C7orf33: variants seen among roughly 807,000 people sequenced by gnomAD.
C7orf33 encodes the protein uncharacterized protein C7orf33.
In C7orf33, 15 loss-of-function variants were observed where a neutral mutation model predicts 13.4. The observed-to-expected ratio is 1.12, with a 90% confidence interval of 0.75 to 1.72. The LOEUF (loss-of-function observed/expected upper bound fraction) is 1.72. Ranked by LOEUF, C7orf33 falls within the 40% of genes most tolerant of loss-of-function variation. The pLI is 0.00. For missense variants in C7orf33, 187 were observed against 220.3 expected (o/e 0.85, Z 0.96); for synonymous variants, 73 against 83.2 (o/e 0.88, Z 0.67).
chr7:148,596,528 G>T (rs113744619), intron 1 of C7orf33, among the ~76,000 whole-genome samples: 4,715 of 152,180 alleles, frequency 0.031, 120 homozygotes, highest in Admixed American at 0.086. Context: ...AGCAAATCAC[G>T]TCTTACATGG....
intron 1 of C7orf33, among the ~76,000 whole-genome samples, chr7:148,609,607 G>A (rs1389731858): frequency 6.6e-6 from 1 of 152,114 alleles, no homozygotes; most frequent in African/African-American, 2.4e-5. Flanking sequence ...ATAACAACTG[G>A]ACTTTCTCTC....
At chr7:148,598,843 A>G (rs1796381516) in intron 1 of C7orf33, among the ~76,000 whole-genome samples, 1 of 141,738 alleles carries the variant, frequency 7.1e-6, no homozygotes, top group Non-Finnish European at 1.5e-5. Flanking sequence ...GAATGAAATT[A>G]TTTATCTTTT....
intron 1 of C7orf33, among the ~76,000 whole-genome samples, chr7:148,598,775 GA>G (rs1796379832): frequency 1.3e-5 from 1 of 77,118 alleles, no homozygotes; most frequent in East Asian, 3.2e-4. Context: ...GAGAGAGAGA[GA>G]GAGAGAGAGA....
chr7:148,595,743 T>G (rs1403808980), intron 1 of C7orf33, among the ~76,000 whole-genome samples: 1 of 141,958 alleles, frequency 7.0e-6, no homozygotes, highest in East Asian at 2.0e-4. Flanking sequence ...CTATGTTATA[T>G]AGATATAATA....
At chr7:148,601,425 A>G (rs897243567) in intron 1 of C7orf33, among the ~76,000 whole-genome samples, 1 of 152,034 alleles carries the variant, frequency 6.6e-6, no homozygotes, top group Admixed American at 6.5e-5. Flanking sequence ...GGCTCACCGC[A>G]GCCTCCACCT....
chr7:148,605,633 C>G (rs1796464165), intron 1 of C7orf33, among the ~76,000 whole-genome samples: 1 of 152,168 alleles, frequency 6.6e-6, no homozygotes. Context: ...CCTCATACGG[C>G]CCATCTCATA....
chr7:148,598,759 TATATAG>T (rs1796378074), intron 1 of C7orf33, among the ~76,000 whole-genome samples: 22 of 32,944 alleles, frequency 6.7e-4, no homozygotes, highest in East Asian at 5.2e-3. Flanking sequence ...TATATATATA[TATATAG>T]AGAGAGAGAG....
intron 1 of C7orf33, among the ~76,000 whole-genome samples, chr7:148,593,516 C>T (rs1317758386): frequency 6.6e-6 from 1 of 152,062 alleles, no homozygotes; most frequent in African/African-American, 2.4e-5. Flanking sequence ...CTGCTTGCCT[C>T]AGCCTCCCAA....
At chr7:148,597,880 C>A in intron 1 of C7orf33, among the ~76,000 whole-genome samples, 1 of 152,076 alleles carries the variant, frequency 6.6e-6, no homozygotes, top group Non-Finnish European at 1.5e-5. Flanking sequence ...CTTAGCCTCC[C>A]GAGTAGCTGG....
chr7:148,608,715 C>G (rs1563123810), intron 1 of C7orf33, among the ~76,000 whole-genome samples: 2 of 151,196 alleles, frequency 1.3e-5, no homozygotes, highest in Non-Finnish European at 2.9e-5. Flanking sequence ...CTCGGGGAGG[C>G]TGAGGGCAGG....
At chr7:148,603,866 T>C (rs527607128) in intron 1 of C7orf33, among the ~76,000 whole-genome samples, 2 of 152,152 alleles carry the variant, frequency 1.3e-5, no homozygotes, top group African/African-American at 4.8e-5. Context: ...AGACACTTTA[T>C]AGAACTACCA....
intron 1 of C7orf33, among the ~76,000 whole-genome samples, chr7:148,598,435 G>A (rs1025511582): frequency 6.6e-6 from 1 of 151,952 alleles, no homozygotes; most frequent in Admixed American, 6.6e-5. Flanking sequence ...CTCTGGGACA[G>A]TGCTACTCAA....
chr7:148,604,184 C>T (rs895182502), intron 1 of C7orf33, among the ~76,000 whole-genome samples: 13 of 150,302 alleles, frequency 8.6e-5, no homozygotes, highest in African/African-American at 2.7e-4. Context: ...TGGAGTGCAG[C>T]GGCACAATCT....
At chr7:148,598,761 TATAGAGAGAGAGAG>T (rs1202248793) in intron 1 of C7orf33, among the ~76,000 whole-genome samples, 86 of 27,490 alleles carry the variant, frequency 3.1e-3, no homozygotes, top group South Asian at 5.8e-3. Flanking sequence ...TATATATATA[TATAGAGAGAGAGAG>T]AGAGAGAGAG....
At chr7:148,612,372 A>G (rs1796554048) in intron 1 of C7orf33, among the ~76,000 whole-genome samples, 1 of 152,240 alleles carries the variant, frequency 6.6e-6, no homozygotes, top group Middle Eastern at 3.2e-3. Context: ...TGTTGGAACT[A>G]TACAAATGAC....
At chr7:148,614,755 C>G (rs1369004052) in intron 2 of C7orf33, among the ~76,000 whole-genome samples, 1 of 152,170 alleles carries the variant, frequency 6.6e-6, no homozygotes, top group Non-Finnish European at 1.5e-5. Context: ...TGCCTCAAAC[C>G]ACAGTATCTA....
chr7:148,598,751 TATATATATATATAGAG>T (rs1409899940), intron 1 of C7orf33, among the ~76,000 whole-genome samples: 39 of 68,574 alleles, frequency 5.7e-4, no homozygotes, highest in African/African-American at 7.4e-4. Context: ...TATATATATA[TATATATATATATAGAG>T]AGAGAGAGAG....
chr7:148,608,707 C>T (rs1190382053), intron 1 of C7orf33, among the ~76,000 whole-genome samples: 3 of 150,780 alleles, frequency 2.0e-5, no homozygotes, highest in Admixed American at 6.6e-5. Context: ...CCCAGCTACT[C>T]GGGGAGGCTG....
At chr7:148,613,539 C>A (rs1314611607) in intron 1 of C7orf33, among the ~76,000 whole-genome samples, 3 of 152,214 alleles carry the variant, frequency 2.0e-5, no homozygotes, top group African/African-American at 7.2e-5. Flanking sequence ...TTGAAAACAT[C>A]ACGCTAAGTG....
Sources: allele counts gnomAD v4.1 joint callset (sites outside exome capture counted in the v4.1 genomes callset), GRCh38; gene constraint gnomAD v4.1.1; transcripts MANE v1.5; gene names NCBI Gene and HGNC (gene_info 2026-07-23, HGNC 2026-07-21).